ELMO1: variants seen among roughly 807,000 people sequenced by gnomAD.
ELMO1 encodes engulfment and cell motility protein 1.
Under a neutral mutation model 98.9 loss-of-function variants are expected in ELMO1, and 26 were observed. That is an observed-to-expected ratio of 0.26 (90% CI 0.19 to 0.36). ELMO1 has a LOEUF of 0.36. ELMO1 is among the 10% of genes least tolerant of loss of function. ELMO1 has a pLI of 1.00. For missense variants in ELMO1, 627 were observed against 935.2 expected (o/e 0.67, Z 4.30); for synonymous variants, 346 against 346.0 (o/e 1.00, Z 0.00).
intron 16 of ELMO1, among the ~76,000 whole-genome samples, chr7:36,909,094 T>C (rs940168951): frequency 5.3e-5 from 8 of 152,306 alleles, no homozygotes; most frequent in Middle Eastern, 3.4e-3. Flanking sequence ...AATGGAAACA[T>C]GGAGCTGAAG....
intron 13 of ELMO1, among the ~76,000 whole-genome samples, chr7:37,209,042 A>T (rs966835704): frequency 1.3e-5 from 2 of 152,132 alleles, no homozygotes; most frequent in African/African-American, 2.4e-5. Flanking sequence ...TGTACTCATG[A>T]AGCAGAACAC....
At chr7:36,947,342 T>C (rs1787582044) in intron 16 of ELMO1, among the ~76,000 whole-genome samples, 1 of 152,242 alleles carries the variant, frequency 6.6e-6, no homozygotes, top group African/African-American at 2.4e-5. Flanking sequence ...CCCATATTCC[T>C]GGTGTGCTCT....
rs1805207350 is a variant in ELMO1 at position 37,437,692 on chromosome 7, G to A, written c.-74+10983C>T. Reference sequence around the variant, plus strand: ...GCTGTTTTGAAATATACAATAGGCCGGGCGCGGTGGCTCACGCCTGTAATC... The same window carrying A: ...GCTGTTTTGAAATATACAATAGGCCAGGCGCGGTGGCTCACGCCTGTAATC... On this transcript the variant is annotated intron_variant, in intron 1 of 21. Transcript: ENST00000310758. Among the ~76,000 whole-genome samples, 2 of 10,912 alleles carry A rather than the reference G, an allele frequency of 1.8e-4. 1 individual carries two copies. The allele number at this position is 10,912 out of a possible 152,430, so 7.2% of individuals were successfully genotyped here.
chr7:36,977,620 C>T (rs966248257), intron 16 of ELMO1, among the ~76,000 whole-genome samples: 4 of 152,154 alleles, frequency 2.6e-5, no homozygotes, highest in Non-Finnish European at 5.9e-5. Context: ...AAATTTGGTC[C>T]GCCCAGGTTT....
intron 2 of ELMO1, among the ~76,000 whole-genome samples, chr7:37,326,582 G>A (rs1460344448): frequency 2.7e-5 from 4 of 150,352 alleles, no homozygotes; most frequent in Non-Finnish European, 5.9e-5. Context: ...AATGAAAGAT[G>A]ATACTCTGCC....
At chr7:37,200,010 C>T (rs140665445) in intron 13 of ELMO1, among the ~76,000 whole-genome samples, 9 of 152,312 alleles carry the variant, frequency 5.9e-5, no homozygotes, top group African/African-American at 2.2e-4. Context: ...TGATCTTCTT[C>T]AGTTTTTCAA....
intron 2 of ELMO1, among the ~76,000 whole-genome samples, chr7:37,330,601 T>C (rs1800052109): frequency 6.6e-6 from 1 of 152,220 alleles, no homozygotes; most frequent in African/African-American, 2.4e-5. Context: ...CACCCCCAAA[T>C]TTTATGCCTC....
At chr7:37,159,491 A>G (rs995643892) in intron 13 of ELMO1, among the ~76,000 whole-genome samples, 2 of 152,182 alleles carry the variant, frequency 1.3e-5, no homozygotes. Flanking sequence ...ACCTGAGGTC[A>G]GGAGTTCAAG....
At chr7:37,214,209 A>G (rs111828858) in intron 11 of ELMO1, among the ~76,000 whole-genome samples, 9 of 152,304 alleles carry the variant, frequency 5.9e-5, no homozygotes, top group South Asian at 4.1e-4. Context: ...GGACTAACAT[A>G]CAGCCTTTTC....
chr7:37,172,955 G>C (rs1790269687), intron 13 of ELMO1, among the ~76,000 whole-genome samples: 1 of 152,124 alleles, frequency 6.6e-6, no homozygotes, highest in Admixed American at 6.5e-5. Context: ...ACTGTGCAAG[G>C]AGTAGAAGTC....
intron 15 of ELMO1, among the ~76,000 whole-genome samples, chr7:37,079,487 C>G (rs1046128075): frequency 6.6e-6 from 1 of 152,184 alleles, no homozygotes; most frequent in Non-Finnish European, 1.5e-5. Flanking sequence ...ACTATCTCCT[C>G]ACAGCCATCA....
chr7:36,906,866 G>T (rs1362154783), intron 16 of ELMO1, among the ~76,000 whole-genome samples: 1 of 152,046 alleles, frequency 6.6e-6, no homozygotes, highest in Admixed American at 6.5e-5. Context: ...CAATTTAGGG[G>T]CAGGAAAACA....
intron 13 of ELMO1, among the ~76,000 whole-genome samples, chr7:37,160,767 A>G (rs1014229033): frequency 6.6e-6 from 1 of 152,036 alleles, no homozygotes; most frequent in Non-Finnish European, 1.5e-5. Context: ...TCCCACCCCA[A>G]TTGGGCTTTC....
intron 15 of ELMO1, among the ~76,000 whole-genome samples, chr7:37,026,918 T>C (rs993592780): frequency 1.6e-4 from 25 of 152,200 alleles, no homozygotes; most frequent in African/African-American, 6.0e-4. Context: ...AACACATGAC[T>C]GCACTCCCTT....
chr7:37,049,636 G>A (rs1182272705), intron 15 of ELMO1, among the ~76,000 whole-genome samples: 1 of 152,038 alleles, frequency 6.6e-6, no homozygotes, highest in Non-Finnish European at 1.5e-5. Context: ...CCCTCTGTAG[G>A]CTTTCTTCAG....
intron 16 of ELMO1, among the ~76,000 whole-genome samples, chr7:36,977,779 T>G (rs1790680407): frequency 6.6e-6 from 1 of 152,244 alleles, no homozygotes; most frequent in Non-Finnish European, 1.5e-5. Flanking sequence ...TACTTTCAAG[T>G]AGTTTTCAAA....
chr7:37,020,073 A>C (rs1300699617), intron 15 of ELMO1, among the ~76,000 whole-genome samples: 2 of 152,216 alleles, frequency 1.3e-5, no homozygotes, highest in African/African-American at 2.4e-5. Context: ...GCACTGTAGC[A>C]AACAAGCAAT....
At chr7:37,059,851 G>A (rs947864798) in intron 15 of ELMO1, among the ~76,000 whole-genome samples, 12 of 152,230 alleles carry the variant, frequency 7.9e-5, no homozygotes, top group Admixed American at 3.9e-4. Flanking sequence ...TGTGAAAAGC[G>A]AAAGGGATGA....
At chr7:37,076,276 C>A (rs1797575551) in intron 15 of ELMO1, among the ~76,000 whole-genome samples, 1 of 152,142 alleles carries the variant, frequency 6.6e-6, no homozygotes, top group African/African-American at 2.4e-5. Context: ...GCCTCCACAA[C>A]CACATCTCAT....
Sources: gnomAD v4.1 joint callset for allele counts (sites outside exome capture counted in the v4.1 genomes callset) on GRCh38, gnomAD v4.1.1 for gene constraint, MANE v1.5 for transcripts, NCBI Gene and HGNC (gene_info 2026-07-23, HGNC 2026-07-21) for gene names.